TRAM1: variants seen among roughly 807,000 people sequenced by gnomAD.
TRAM1 encodes translocation associated membrane protein 1.
TRAM1 carries 17 observed loss-of-function variants against 48.7 expected under a neutral mutation model. That is an observed-to-expected ratio of 0.35 (90% confidence interval 0.24 to 0.52). The LOEUF (loss-of-function observed/expected upper bound fraction) is 0.52. Ranked by LOEUF, TRAM1 falls within the 20% of genes least tolerant of loss-of-function variation. TRAM1 has a pLI of 0.94. For synonymous variants in TRAM1, 182 were observed against 154.0 expected (o/e 1.18, Z -1.34); for missense variants, 351 against 441.5 (o/e 0.79, Z 1.84).
intron 6 of TRAM1, among the ~76,000 whole-genome samples, chr8:70,589,810 A>G (rs1817311044): frequency 6.6e-6 from 1 of 152,176 alleles, no homozygotes; most frequent in African/African-American, 2.4e-5. Context: ...TGGCCACTGC[A>G]CTCCAGCATG....
intron 6 of TRAM1, among the ~76,000 whole-genome samples, chr8:70,588,718 G>A (rs1178849668): frequency 1.3e-5 from 2 of 152,204 alleles, no homozygotes; most frequent in African/African-American, 4.8e-5. Flanking sequence ...ATCTTTGGTT[G>A]CAGTAAAAAT....
At chr8:70,604,478 G>C (rs1425157563) in intron 1 of TRAM1, among the ~76,000 whole-genome samples, 2 of 152,104 alleles carry the variant, frequency 1.3e-5, no homozygotes, top group African/African-American at 4.8e-5. Context: ...GAGCCCAGGA[G>C]GTCAAGTTCC....
At chr8:70,601,839 T>C (rs1817612869) in intron 1 of TRAM1, among the ~76,000 whole-genome samples, 1 of 152,190 alleles carries the variant, frequency 6.6e-6, no homozygotes, top group African/African-American at 2.4e-5. Flanking sequence ...AGATGAGCAG[T>C]AAGGCAGCTA....
At chr8:70,595,627 C>T (rs1395119738) in intron 5 of TRAM1, among the ~76,000 whole-genome samples, 1 of 152,066 alleles carries the variant, frequency 6.6e-6, no homozygotes, top group Non-Finnish European at 1.5e-5. Flanking sequence ...ACAAGACTTA[C>T]AAAAATGAGA....
chr8:70,599,076 A>G (rs1259949974), intron 2 of TRAM1, among the ~76,000 whole-genome samples: 1 of 152,110 alleles, frequency 6.6e-6, no homozygotes, highest in East Asian at 1.9e-4. Flanking sequence ...TAGGTAGTAT[A>G]GTGAGACTCC....
intron 10 of TRAM1, among the ~76,000 whole-genome samples, chr8:70,582,606 A>C (rs989066369): frequency 6.6e-6 from 1 of 152,102 alleles, no homozygotes; most frequent in African/African-American, 2.4e-5. Context: ...GACATACTCT[A>C]AAAACTTCCT....
At position 70,574,219 on chromosome 8, in the gene TRAM1, T is replaced by C; in HGVS notation, c.*713A>G. 1 of 409,064 alleles carries C rather than the reference T, an allele frequency of 2.4e-6. No individual in the cohort carries two copies. The highest frequency in any genetic ancestry group is 4.7e-6 in the Non-Finnish European group (1 of 212,552). The allele number at this position is 409,064 out of a possible 1,614,324, so 25.3% of individuals were successfully genotyped here. A position where few individuals can be genotyped will look rare whatever the true frequency, so the allele number is the denominator to read the frequency against. ...TTTCCTGTTCATAGTAAATATTTTCTGATTTCCAGTTTACAAGTATTGAAA... is the reference window on the plus strand; with the variant it reads ...TTTCCTGTTCATAGTAAATATTTTCCGATTTCCAGTTTACAAGTATTGAAA... On this transcript the variant is annotated 3_prime_UTR_variant, in exon 11 of 11. Coordinates refer to ENST00000262213, the MANE Select transcript of TRAM1 (RefSeq NM_014294.6).
intron 8 of TRAM1, among the ~76,000 whole-genome samples, chr8:70,586,278 T>TC (rs1554533515): frequency 2.8e-4 from 25 of 87,944 alleles, no homozygotes; most frequent in Non-Finnish European, 3.6e-4. Context: ...TGTTGTGGGG[T>TC]GGGGGAGGGG....
intron 2 of TRAM1, 132 bp downstream of exon 2, chr8:70,599,887 A>G (rs182321051): frequency 5.0e-5 from 35 of 697,618 alleles, no homozygotes; most frequent in East Asian, 4.6e-4. Flanking sequence ...AATCATCACA[A>G]TAACATTCAG....
At chr8:70,583,109 AT>A in intron 10 of TRAM1, 54 bp downstream of exon 10, 2 of 1,559,554 alleles carry the variant, frequency 1.3e-6, no homozygotes, top group East Asian at 2.3e-5. Flanking sequence ...CCAACAACAA[AT>A]TTTTTAAAAG....
chr8:70,583,257 G>A lies in TRAM1; in HGVS notation c.958C>T (p.Leu320Phe). The change falls in exon 10 of 11, where the codon CTT becomes TTT. Residue 320 changes from leucine (L) to phenylalanine (F), a missense_variant. Physicochemically the swap from Leu to Phe is conservative, Grantham distance 22 (BLOSUM62 0). Coordinates refer to ENST00000262213, the MANE Select transcript of TRAM1 (RefSeq NM_014294.6). ...FMMWKFINFQ[L>F]RRWREHSAFQ... The stretch of plus-strand genomic sequence containing the variant: ...GCAGAATGTTCCCTCCACCTTCGAA[G>A]CTGAAAATTAATGAACTTCCACATC... The A allele has an allele frequency of 1.9e-6, 3 of 1,613,968 alleles. No homozygotes were observed. The Admixed American group carries it at 5.0e-5, about 27-fold the overall frequency.
Position 70,597,923 on chromosome 8 carries a change from C to T in TRAM1, c.398G>A (p.Cys133Tyr). ...GATGAGAATGAATGTGCCCCAAACA[C>T]AGGCAAAAAGGTAGAACGCACTAAG... ...GQLSAFYLFACVWGTFILISE... is the reference protein window; with the variant it reads ...GQLSAFYLFAYVWGTFILISE... Residue 133 changes from cysteine to tyrosine, a missense_variant, in exon 4 of 11, where the codon TGT becomes TAT. Physicochemically the swap from Cys to Tyr is radical, Grantham distance 194. Transcript: ENST00000262213. 1 of 1,599,904 alleles carries T rather than the reference C, an allele frequency of 6.3e-7. No homozygotes were observed. The highest frequency in any genetic ancestry group is 8.5e-7 in the Non-Finnish European group (1 of 1,171,674).
Position 70,573,270 on chromosome 8 carries a change from C to T in TRAM1, c.*1662G>A, listed in dbSNP as rs1816857099. ...TATTTGGTTATGACCATCTATCCCC[C>T]CAGTAGTCCTCACCAATATTCTGTG... On this transcript the variant is annotated 3_prime_UTR_variant, in exon 11 of 11. Transcript: ENST00000262213. Among the ~76,000 whole-genome samples the T allele has an allele frequency of 6.6e-6, 1 of 152,106 alleles. No individual in the cohort carries two copies. Among genetic ancestry groups the T allele is most frequent in the Non-Finnish European group, 1.5e-5 (1 of 68,022 alleles).
At chr8:70,582,495 G>T (rs1269269407) in intron 10 of TRAM1, among the ~76,000 whole-genome samples, 1 of 148,262 alleles carries the variant, frequency 6.7e-6, no homozygotes, top group Non-Finnish European at 1.5e-5. Context: ...AATGCAAAGG[G>T]CCAAGACTTG....
intron 10 of TRAM1, among the ~76,000 whole-genome samples, chr8:70,576,020 G>A (rs1187748163): frequency 1.4e-5 from 2 of 144,908 alleles, no homozygotes; most frequent in East Asian, 4.4e-4. Context: ...GCAGTGAGCT[G>A]AGATCGCGCC....
chr8:70,586,204 A>G (rs1817215816), intron 8 of TRAM1, among the ~76,000 whole-genome samples: 1 of 145,434 alleles, frequency 6.9e-6, no homozygotes, highest in Non-Finnish European at 1.5e-5. Context: ...GTTCTCACTC[A>G]TAGGTGGGAA....
intron 4 of TRAM1, among the ~76,000 whole-genome samples, chr8:70,597,228 T>C (rs960038463): frequency 4.6e-5 from 7 of 152,152 alleles, no homozygotes; most frequent in African/African-American, 1.7e-4. Context: ...CAACTAAAGG[T>C]TTTGATTGCC....
At chr8:70,596,210 T>C in intron 5 of TRAM1, 53 bp downstream of exon 5, 4 of 1,390,128 alleles carry the variant, frequency 2.9e-6, no homozygotes, top group Admixed American at 2.5e-5. Flanking sequence ...TTCTGATTAA[T>C]AGTGACATGA....
At chr8:70,599,274 CACATATAAATA>C (rs1817555329) in intron 2 of TRAM1, among the ~76,000 whole-genome samples, 1 of 152,062 alleles carries the variant, frequency 6.6e-6, no homozygotes, top group African/African-American at 2.4e-5. Flanking sequence ...CTTAAAAACA[CACATATAAATA>C]ACAGCAACAA....
Sources: gnomAD v4.1 joint callset for allele counts (sites outside exome capture counted in the v4.1 genomes callset) on GRCh38, gnomAD v4.1.1 for gene constraint, MANE v1.5 for transcripts, NCBI Gene and HGNC (gene_info 2026-07-23, HGNC 2026-07-21) for gene names.